Variants in NSL1 observed in about 807,000 individuals in gnomAD.
NSL1 encodes the protein NSL1 component of MIS12 kinetochore complex, also known as kinetochore-associated protein NSL1 homolog.
A neutral mutation model predicts 25.4 loss-of-function variants in NSL1; 11 were observed. The ratio of observed to expected loss-of-function variants is 0.43; its 90% confidence interval spans 0.27 to 0.72. The LOEUF is 0.72. NSL1 is among the 30% of genes least tolerant of loss of function. NSL1 has a pLI of 0.19. For synonymous variants in NSL1, 118 were observed against 120.6 expected (o/e 0.98, Z 0.14); for missense variants, 330 against 342.7 (o/e 0.96, Z 0.29).
rs371938400 is a variant in NSL1, at chr1:212,727,055, G to T, written c.*11353C>A. The T allele has an allele frequency of 3.3e-6, 5 of 1,510,158 alleles. No individual in the cohort carries two copies. The African/African-American group carries it at 4.2e-5, about 13-fold the overall frequency. The allele number at this position is 1,510,158 out of a possible 1,614,324, so 93.5% of individuals were successfully genotyped here. On this transcript the variant is annotated 3_prime_UTR_variant, in exon 6 of 6. Transcript: ENST00000366977. ...AGATGACTGCCGAGAGAGGGAGGGC[G>T]GGCTCTGGGTCACCCAGCTTCATCC... is the stretch of plus-strand genomic sequence containing the variant.
intron 4 of NSL1, among the ~76,000 whole-genome samples, chr1:212,767,134 A>T (rs1036701687): frequency 6.6e-6 from 1 of 152,210 alleles, no homozygotes; most frequent in African/African-American, 2.4e-5. Context: ...ACATAGCCAA[A>T]GCAAGACTAA....
Position 212,787,647 on chromosome 1 carries a change from AT to A in NSL1, c.235-11del. ...CAGCTGATTCAAAAGTCTGCAATAAATTCACAGTAGTCAAGTCACTAAAAAT... is the reference window on the plus strand; with the variant it reads ...CAGCTGATTCAAAAGTCTGCAATAAATCACAGTAGTCAAGTCACTAAAAAT... On this transcript the variant is annotated splice_polypyrimidine_tract_variant and intron_variant, in intron 1 of 5. Coordinates refer to ENST00000366977, the MANE Select transcript of NSL1 (RefSeq NM_015471.4). 1 of 1,575,444 alleles carries A rather than the reference AT, an allele frequency of 6.3e-7. No homozygotes were observed. The highest frequency in any genetic ancestry group is 8.6e-7 in the Non-Finnish European group (1 of 1,157,658).
chr1:212,735,802 G>A lies in NSL1; in HGVS notation c.*2606C>T, dbSNP rs2102424859. 3.4e-6 allele frequency: 1 copy of A among 295,492 alleles called. No individual in the cohort carries two copies. Among genetic ancestry groups the A allele is most frequent in the Non-Finnish European group, 5.0e-6 (1 of 199,288 alleles). The allele number at this position is 295,492 out of a possible 1,614,324, so 18.3% of individuals were successfully genotyped here. A position where few individuals can be genotyped will look rare whatever the true frequency, so the allele number is the denominator to read the frequency against. On this transcript the variant is annotated 3_prime_UTR_variant, in exon 6 of 6. Coordinates refer to ENST00000366977, the MANE Select transcript of NSL1 (RefSeq NM_015471.4). ...CCATGTGAGGACATAGTAAGGAGGT[G>A]GTCATCTACAAGTCGGGAAGACAGC...
intron 2 of NSL1, 66 bp downstream of exon 2, chr1:212,787,493 C>A: frequency 8.8e-7 from 1 of 1,133,242 alleles, no homozygotes; most frequent in Non-Finnish European, 1.3e-6. Flanking sequence ...TAAAAAACAG[C>A]ATTCAAAACA....
At position 212,730,492 on chromosome 1, in the gene NSL1, T is replaced by A. The variant is rs1657972678; in HGVS notation, c.*7916A>T. ...GGAGCCATTCTCTGAGTAAGGCTAG[T>A]CAAGGTGATGATAGAAATGCCCAAT... On this transcript the variant is annotated 3_prime_UTR_variant, in exon 6 of 6. Transcript: ENST00000366977. 1.0e-6 allele frequency: 1 copy of A among 985,328 alleles called. No individual in the cohort carries two copies. Among genetic ancestry groups the A allele is most frequent in the African/African-American group, 1.7e-5 (1 of 57,326 alleles). 61.0% of individuals were successfully genotyped at this position (985,328 alleles called of 1,614,324 possible).
intron 4 of NSL1, among the ~76,000 whole-genome samples, chr1:212,765,028 A>G (rs1366170288): frequency 6.6e-6 from 1 of 152,006 alleles, no homozygotes; most frequent in Admixed American, 6.5e-5. Flanking sequence ...CTTCTAGATT[A>G]AATCAGGAAG....
rs189340433 is a variant in NSL1, at chr1:212,730,396, C to T, written c.*8012G>A. The T allele has an allele frequency of 8.0e-4, 790 of 985,188 alleles. 11 individuals are homozygous for T. The African/African-American group carries it at 0.013, about 16-fold the overall frequency. 61.0% of individuals were successfully genotyped at this position (985,188 alleles called of 1,614,324 possible). On this transcript the variant is annotated 3_prime_UTR_variant, in exon 6 of 6. Coordinates refer to ENST00000366977, the MANE Select transcript of NSL1 (RefSeq NM_015471.4). ...ATGACATCATTGTAGAAGATGTGGG[C>T]CACAGAGCTACATGAATGGGCACCA...
In NSL1 at chr1:212,735,899, T is replaced by G. The variant is rs1658214936; in HGVS notation, c.*2509A>C. 4 of 948,318 alleles carry G rather than the reference T, an allele frequency of 4.2e-6. No homozygotes were observed. Among genetic ancestry groups the G allele is most frequent in the African/African-American group, 1.8e-5 (1 of 56,496 alleles). The allele number at this position is 948,318 out of a possible 1,614,324, so 58.7% of individuals were successfully genotyped here. A position where few individuals can be genotyped will look rare whatever the true frequency, so the allele number is the denominator to read the frequency against. On this transcript the variant is annotated 3_prime_UTR_variant, in exon 6 of 6. Transcript: ENST00000366977. ...CCTCCAGAACTGTGAGAAGTAAGTA[T>G]CTGTTGTTTAAGCCACCCAGCCTGT... is the stretch of plus-strand genomic sequence containing the variant.
chr1:212,729,246 T>C lies in NSL1; in HGVS notation c.*9162A>G, dbSNP rs1657908694. 5 of 985,434 alleles carry C rather than the reference T, an allele frequency of 5.1e-6. No individual in the cohort carries two copies. The highest frequency in any genetic ancestry group is 4.8e-6 in the Non-Finnish European group (4 of 829,918). The allele number at this position is 985,434 out of a possible 1,614,324, so 61.0% of individuals were successfully genotyped here. A position where few individuals can be genotyped will look rare whatever the true frequency, so the allele number is the denominator to read the frequency against. ...CTAGGAGCAGAAGTGCAGGTTTGCT[T>C]GGGCTCCTAGCCTCTCCCTCAGCTC... On this transcript the variant is annotated 3_prime_UTR_variant, in exon 6 of 6. Transcript: ENST00000366977.
At chr1:212,779,863 C>T (rs1237871938) in intron 4 of NSL1, among the ~76,000 whole-genome samples, 2 of 147,224 alleles carry the variant, frequency 1.4e-5, no homozygotes, top group African/African-American at 2.5e-5. Flanking sequence ...ACCAGCCGCC[C>T]CGTCCGGGAG....
chr1:212,733,753 T>C lies in NSL1; in HGVS notation c.*4655A>G, dbSNP rs919416273. ...TTCATCAGTTCATGAAAGTTCAACC[T>C]GCTGCTACAAACATTTGTGTGTAAG... On this transcript the variant is annotated 3_prime_UTR_variant, in exon 6 of 6. Coordinates refer to ENST00000366977, the MANE Select transcript of NSL1 (RefSeq NM_015471.4). 2.6e-5 allele frequency among the ~76,000 whole-genome samples: 4 copies of C among 152,370 alleles called. No individual in the cohort carries two copies. The highest frequency in any genetic ancestry group is 9.6e-5 in the African/African-American group (4 of 41,586).
intron 4 of NSL1, among the ~76,000 whole-genome samples, chr1:212,771,959 T>G (rs112575728): frequency 6.6e-6 from 1 of 152,150 alleles, no homozygotes; most frequent in Admixed American, 6.5e-5. Context: ...TGGGAGATAA[T>G]TGAATCATGG....
chr1:212,755,939 C>T (rs1294272303), intron 4 of NSL1, among the ~76,000 whole-genome samples: 2 of 152,040 alleles, frequency 1.3e-5, no homozygotes, highest in South Asian at 2.1e-4. Context: ...AATTTGAACA[C>T]ATGAATAAAT....
chr1:212,758,895 CT>C (rs1444090476), intron 4 of NSL1, among the ~76,000 whole-genome samples: 1 of 152,150 alleles, frequency 6.6e-6, no homozygotes, highest in Non-Finnish European at 1.5e-5. Context: ...TCTTACAAAG[CT>C]ATAATAATCA....
At chr1:212,771,221 G>A (rs1248277731) in intron 4 of NSL1, among the ~76,000 whole-genome samples, 3 of 152,174 alleles carry the variant, frequency 2.0e-5, no homozygotes, top group Admixed American at 2.0e-4. Context: ...GACTGAGGCA[G>A]GAGAATCACT....
In NSL1 at chr1:212,732,184, TTG is replaced by T. The variant is rs1658048191; in HGVS notation, c.*6222_*6223del. On this transcript the variant is annotated 3_prime_UTR_variant, in exon 6 of 6. Coordinates refer to ENST00000366977, the MANE Select transcript of NSL1 (RefSeq NM_015471.4). ...CTGTAGTGAATAACTGCCTTATTTT[TTG>T]TTTCTTTGAACATCTTAATCATATT... 1.0e-6 allele frequency: 1 copy of T among 984,796 alleles called. No individual in the cohort carries two copies. The allele number at this position is 984,796 out of a possible 1,614,324, so 61.0% of individuals were successfully genotyped here.
In NSL1 at chr1:212,731,733, G is replaced by A. The variant is rs143783528; in HGVS notation, c.*6675C>T. ...TTTAGACATCCACTGACTTCCAGTT[G>A]TGGTGGGTGAAGATTTCACTCCCCA... On this transcript the variant is annotated 3_prime_UTR_variant, in exon 6 of 6. Coordinates refer to ENST00000366977, the MANE Select transcript of NSL1 (RefSeq NM_015471.4). 191 of 985,230 alleles carry A rather than the reference G, an allele frequency of 1.9e-4. No individual in the cohort carries two copies. Among genetic ancestry groups the A allele is most frequent in the Non-Finnish European group, 2.3e-4 (189 of 829,922 alleles). The allele number at this position is 985,230 out of a possible 1,614,324, so 61.0% of individuals were successfully genotyped here. A position where few individuals can be genotyped will look rare whatever the true frequency, so the allele number is the denominator to read the frequency against.
At position 212,752,601 on chromosome 1, in the gene NSL1, G is replaced by A. The variant is rs957200947; in HGVS notation, c.500-13000C>T. On this transcript the variant is annotated intron_variant, in intron 4 of 5. Transcript: ENST00000366977. ...ATGGAAGCAATTATTCATTACAACA[G>A]GATTATAAAAGGTTGTAAATGTCAA... 3.3e-5 allele frequency among the ~76,000 whole-genome samples: 5 copies of A among 152,260 alleles called. No individual in the cohort carries two copies. The South Asian group carries it at 1.0e-3, about 32-fold the overall frequency.
intron 4 of NSL1, among the ~76,000 whole-genome samples, chr1:212,743,449 C>A (rs1350712029): frequency 6.6e-6 from 1 of 151,258 alleles, no homozygotes; most frequent in East Asian, 2.0e-4. Context: ...AGCCATGAAC[C>A]ACAGCGCCTG....
Sources: allele counts gnomAD v4.1 joint callset (sites outside exome capture counted in the v4.1 genomes callset), GRCh38; gene constraint gnomAD v4.1.1; transcripts MANE v1.5; gene names NCBI Gene and HGNC (gene_info 2026-07-23, HGNC 2026-07-21).